The following FAM107B variants were observed in gnomAD, a reference collection of about 807,000 sequenced individuals.
FAM107B encodes the protein protein FAM107B.
In FAM107B, 21 loss-of-function variants were observed where a neutral mutation model predicts 31.5. That is an observed-to-expected ratio of 0.67 (90% CI 0.47 to 0.96). FAM107B has a LOEUF of 0.96. Among genes scored for constraint, FAM107B ranks in the 40% least tolerant of loss-of-function variants. The probability of loss-of-function intolerance (pLI) is 0.00; values close to 1 mark genes in which losing one functional copy is unlikely to be tolerated. For missense variants in FAM107B, 452 were observed against 377.1 expected (o/e 1.20, Z -1.64); for synonymous variants, 157 against 141.5 (o/e 1.11, Z -0.78).
intron 2 of FAM107B, among the ~76,000 whole-genome samples, chr10:14,604,734 G>C (rs1852541449): frequency 6.6e-6 from 1 of 151,272 alleles, no homozygotes; most frequent in African/African-American, 2.4e-5. Context: ...TCACTCCCTC[G>C]TTCCCTCGCT....
intron 2 of FAM107B, chr10:14,556,532 G>A (rs1849714383): frequency 2.3e-6 from 1 of 440,924 alleles, no homozygotes. Context: ...CGTGCGCAAC[G>A]TTTAGACTTG....
intron 1 of FAM107B, among the ~76,000 whole-genome samples, chr10:14,691,033 T>C (rs2131509420): frequency 6.6e-6 from 1 of 152,206 alleles, no homozygotes; most frequent in Non-Finnish European, 1.5e-5. Context: ...CATTCCTTGT[T>C]ATGATCAGGC....
At chr10:14,642,118 A>G (rs1323324141) in intron 2 of FAM107B, among the ~76,000 whole-genome samples, 1 of 152,256 alleles carries the variant, frequency 6.6e-6, no homozygotes, top group East Asian at 1.9e-4. Context: ...CAGAAGAAAG[A>G]AAGGAGTGAC....
chr10:14,734,233 A>G (rs1321529892), intron 1 of FAM107B, among the ~76,000 whole-genome samples: 1 of 152,194 alleles, frequency 6.6e-6, no homozygotes, highest in Non-Finnish European at 1.5e-5. Context: ...TTAATAAGCC[A>G]CTGGGGGAAA....
chr10:14,573,785 G>A (rs1473552946), intron 2 of FAM107B, among the ~76,000 whole-genome samples: 1 of 152,024 alleles, frequency 6.6e-6, no homozygotes, highest in Non-Finnish European at 1.5e-5. Context: ...TACCCAGTCT[G>A]TGGTATTCCA....
In FAM107B at chr10:14,648,723, G is replaced by T. The variant is rs959841325; in HGVS notation, c.469+18911C>A. Among the ~76,000 whole-genome samples the T allele has an allele frequency of 1.4e-4, 21 of 152,250 alleles. 1 individual carries two copies. Among genetic ancestry groups the T allele is most frequent in the Admixed American group, 7.9e-4 (12 of 15,286 alleles). ...TGTAATTTTACTATCAGTTCTTTGA[G>T]AATGAGATACTGTTCTCTTCATCTT... On this transcript the variant is annotated intron_variant, in intron 2 of 4. Transcript: ENST00000181796.
At chr10:14,571,846 G>C in intron 2 of FAM107B, 1 of 985,430 alleles carries the variant, frequency 1.0e-6, no homozygotes, top group Non-Finnish European at 1.2e-6. Context: ...AGAAGAGTTA[G>C]CCCAGGAAGT....
chr10:14,732,418 G>C (rs951589292), intron 1 of FAM107B, among the ~76,000 whole-genome samples: 1 of 152,122 alleles, frequency 6.6e-6, no homozygotes, highest in African/African-American at 2.4e-5. Context: ...ATGTTGGTTC[G>C]GCCATTTACT....
At chr10:14,731,241 C>G (rs906033780) in intron 1 of FAM107B, among the ~76,000 whole-genome samples, 1 of 152,132 alleles carries the variant, frequency 6.6e-6, no homozygotes, top group African/African-American at 2.4e-5. Context: ...GTGGAGCTCT[C>G]AGTCCAGTGA....
chr10:14,616,398 A>G (rs1330135555), intron 2 of FAM107B, among the ~76,000 whole-genome samples: 1 of 152,238 alleles, frequency 6.6e-6, no homozygotes, highest in Non-Finnish European at 1.5e-5. Flanking sequence ...TGATGACATA[A>G]AGTAAGCCCA....
In FAM107B at chr10:14,634,212, C is replaced by A. The variant is rs1239851264; in HGVS notation, c.469+33422G>T. Among the ~76,000 whole-genome samples the A allele has an allele frequency of 2.0e-5, 3 of 151,784 alleles. No homozygotes were observed. In the East Asian group the frequency reaches 5.8e-4, roughly 29 times the overall value. Reference sequence around the variant, plus strand: ...GAGATTGAGACCATCCTGGCTAACACGGTGAAACCCCGTCTCTACTAAAAT... The same window carrying A: ...GAGATTGAGACCATCCTGGCTAACAAGGTGAAACCCCGTCTCTACTAAAAT... On this transcript the variant is annotated intron_variant, in intron 2 of 4. Transcript: ENST00000181796.
intron 1 of FAM107B, among the ~76,000 whole-genome samples, chr10:14,678,262 T>G (rs1027408783): frequency 6.6e-6 from 1 of 152,174 alleles, no homozygotes; most frequent in East Asian, 1.9e-4. Context: ...AGTACCTCCT[T>G]TGCACCTCCC....
intron 2 of FAM107B, among the ~76,000 whole-genome samples, chr10:14,640,103 T>C (rs1853593494): frequency 6.6e-6 from 1 of 152,224 alleles, no homozygotes. Flanking sequence ...GAATAATTCC[T>C]ATGAGCTGGG....
intron 1 of FAM107B, among the ~76,000 whole-genome samples, chr10:14,748,679 T>C (rs1227429882): frequency 6.6e-6 from 1 of 152,210 alleles, no homozygotes; most frequent in Non-Finnish European, 1.5e-5. Flanking sequence ...GAGGTCAAAG[T>C]TGCAGCAGAG....
intron 2 of FAM107B, among the ~76,000 whole-genome samples, chr10:14,628,375 C>T (rs1438450219): frequency 1.3e-5 from 2 of 152,122 alleles, no homozygotes; most frequent in African/African-American, 4.8e-5. Context: ...GCCTTGATCT[C>T]CCAAAGTGTT....
At chr10:14,765,834 A>G (rs1833150018) in intron 1 of FAM107B, among the ~76,000 whole-genome samples, 2 of 152,214 alleles carry the variant, frequency 1.3e-5, no homozygotes, top group African/African-American at 4.8e-5. Context: ...GGAAGGTTTC[A>G]TTCTAAAGAA....
chr10:14,766,477 T>C (rs1448032756), intron 1 of FAM107B, among the ~76,000 whole-genome samples: 6 of 152,150 alleles, frequency 3.9e-5, no homozygotes, highest in Non-Finnish European at 8.8e-5. Context: ...TCCAGTTTCC[T>C]TGTCAGGTAG....
intron 2 of FAM107B, among the ~76,000 whole-genome samples, chr10:14,564,598 T>C (rs1850510979): frequency 1.3e-5 from 2 of 151,780 alleles, no homozygotes; most frequent in African/African-American, 4.9e-5. Flanking sequence ...AATACACTCA[T>C]CTCCATGGTT....
At chr10:14,541,844 G>A (rs564146040) in intron 2 of FAM107B, among the ~76,000 whole-genome samples, 1 of 152,126 alleles carries the variant, frequency 6.6e-6, no homozygotes, top group African/African-American at 2.4e-5. Flanking sequence ...GAGAAAGCTG[G>A]AGCTGCCGAC....
Sources: allele counts gnomAD v4.1 joint callset (sites outside exome capture counted in the v4.1 genomes callset), GRCh38; gene constraint gnomAD v4.1.1; transcripts MANE v1.5; gene names NCBI Gene and HGNC (gene_info 2026-07-23, HGNC 2026-07-21).